INPP4A: variants seen among roughly 807,000 people sequenced by gnomAD.
INPP4A encodes the protein inositol polyphosphate-4-phosphatase type I A, also known as inositol polyphosphate-4-phosphatase, type I, 107kD.
INPP4A carries 33 observed loss-of-function variants against 119.8 expected under a neutral mutation model. The observed-to-expected ratio is 0.28, with a 90% confidence interval of 0.21 to 0.37. INPP4A has a LOEUF of 0.37. INPP4A is among the 10% of genes least tolerant of loss of function. The pLI, the probability that INPP4A is intolerant of heterozygous loss-of-function variation, is 1.00. For synonymous variants in INPP4A, 496 were observed against 500.7 expected (o/e 0.99, Z 0.12); for missense variants, 956 against 1,289.9 (o/e 0.74, Z 3.97).
Position 98,565,753 on chromosome 2 carries a change from A to G in INPP4A, c.2266A>G (p.Ile756Val), listed in dbSNP as rs1696318593. The G allele has an allele frequency of 6.2e-7, 1 of 1,611,456 alleles. No homozygotes were observed. The highest frequency in any genetic ancestry group is 1.7e-5 in the Admixed American group (1 of 59,214). The change falls in exon 20 of 25, where the codon ATC becomes GTC. Residue 756 changes from isoleucine to valine, a missense_variant. By Grantham distance (29) the Ile-to-Val change is conservative. Transcript: ENST00000409851. The stretch of plus-strand genomic sequence containing the variant: ...CGCCTCCGCAGACATGCTGCCCGTC[A>G]TCACAGGAAATCGGTAGAGTGTTGG... ...SSASADMLPV[I>V]TGNRDGFNVR...
chr2:98,557,468 G>A (rs1559071615), intron 16 of INPP4A, among the ~76,000 whole-genome samples: 1 of 152,206 alleles, frequency 6.6e-6, no homozygotes, highest in African/African-American at 2.4e-5. Flanking sequence ...ATTTTGGTGA[G>A]TCTTGTCCAC....
At position 98,555,654 on chromosome 2, in the gene INPP4A, T is replaced by C; in HGVS notation, c.1668T>C (p.Asp556=). The C allele has an allele frequency of 6.2e-7, 1 of 1,614,004 alleles. No homozygotes were observed. The highest frequency in any genetic ancestry group is 8.5e-7 in the Non-Finnish European group (1 of 1,179,892). The change falls in exon 16 of 25, where the codon GAT becomes GAC. Residue 556 remains aspartate, a synonymous_variant. Coordinates refer to ENST00000409851, the MANE Select transcript of INPP4A (RefSeq NM_001134225.2). ...KERLHGEGCE[D]VFPCAGSCTS... is the part of the protein sequence containing the mutation. ...GGCTGCATGGCGAGGGCTGTGAGGA[T>C]GTCTTCCCCTGTGCAGGCAGCTGCA...
intron 1 of INPP4A, among the ~76,000 whole-genome samples, chr2:98,448,033 T>C (rs12992894): frequency 1 from 132,198 of 132,242 alleles, 66,077 homozygotes; most frequent in South Asian, 1. Context: ...GAGGACAGAG[T>C]GAGACTCTGT....
rs139391043 is a variant in INPP4A at position 98,546,397 on chromosome 2, T to C, written c.1055-189T>C. Among the ~76,000 whole-genome samples the C allele has an allele frequency of 7.6e-3, 1,160 of 152,298 alleles. 17 individuals carry two copies. Among genetic ancestry groups the C allele is most frequent in the African/African-American group, 0.026 (1,088 of 41,568 alleles). ...TCCACTTGAAATGTTTTAAACCCCT[T>C]GTTGCTGAGGTGATGGCACTGGGCT... On this transcript the variant is annotated intron_variant, in intron 12 of 24. Transcript: ENST00000409851. The surrounding 1 kb of genome is among the most constrained non-coding windows in gnomAD (Gnocchi z 4.2).
Position 98,570,710 on chromosome 2 carries a change from C to T in INPP4A, c.2518+2042C>T, listed in dbSNP as rs771049619. On this transcript the variant is annotated intron_variant, in intron 22 of 24. Coordinates refer to ENST00000409851, the MANE Select transcript of INPP4A (RefSeq NM_001134225.2). This position sits in a 1 kb window ranked among gnomAD's most constrained non-coding sequence, Gnocchi z 4.3. ...CAGACCAGGCCCTGGAGTGGGCAGG[C>T]GGAGGGTGCCCTTGCAGGGAGGGAA... is the stretch of plus-strand genomic sequence containing the variant. Among the ~76,000 whole-genome samples, 7 of 151,892 alleles carry T rather than the reference C, an allele frequency of 4.6e-5. No homozygotes were observed. Among genetic ancestry groups the T allele is most frequent in the Admixed American group, 6.5e-5 (1 of 15,268 alleles).
chr2:98,466,606 T>G (rs1033511338), intron 1 of INPP4A, among the ~76,000 whole-genome samples: 1 of 152,194 alleles, frequency 6.6e-6, no homozygotes, highest in Non-Finnish European at 1.5e-5. Flanking sequence ...CCCAGCTGGT[T>G]GGTGGCAGAG....
In INPP4A at chr2:98,572,807, T is replaced by C; in HGVS notation, c.2519-8T>C. Reference sequence around the variant, plus strand: ...CACCCACTCCCACGAACTCCTTTTCTCTTCCAGGCCTGCCTCGGTCTCGCA... The same window carrying C: ...CACCCACTCCCACGAACTCCTTTTCCCTTCCAGGCCTGCCTCGGTCTCGCA... On this transcript the variant is annotated splice_polypyrimidine_tract_variant and splice_region_variant and intron_variant, in intron 22 of 24. Coordinates refer to ENST00000409851, the MANE Select transcript of INPP4A (RefSeq NM_001134225.2). The C allele has an allele frequency of 6.5e-7, 1 of 1,543,558 alleles. No individual in the cohort carries two copies.
intron 23 of INPP4A, among the ~76,000 whole-genome samples, chr2:98,575,304 C>T (rs1698231357): frequency 6.6e-6 from 1 of 152,236 alleles, no homozygotes; most frequent in Admixed American, 6.5e-5. Context: ...GCCATCCCTG[C>T]CTGCCTTCCA....
intron 1 of INPP4A, among the ~76,000 whole-genome samples, chr2:98,512,965 T>A (rs1241404724): frequency 2.0e-5 from 3 of 152,250 alleles, no homozygotes; most frequent in Non-Finnish European, 4.4e-5. Flanking sequence ...TTGTATTTTA[T>A]GCTAGAGAAG....
chr2:98,587,672 G>A lies in INPP4A; in HGVS notation c.*64G>A. ...GTGGGTACCCTCTAGTGTCATATAT[G>A]AATTCTTCAAGAAGACCTGAAGGAT... On this transcript the variant is annotated 3_prime_UTR_variant, in exon 25 of 25. Transcript: ENST00000409851. 1 of 1,293,132 alleles carries A rather than the reference G, an allele frequency of 7.7e-7. No homozygotes were observed. The highest frequency in any genetic ancestry group is 1.1e-6 in the Non-Finnish European group (1 of 948,048). 80.1% of individuals were successfully genotyped at this position (1,293,132 alleles called of 1,614,324 possible). A position where few individuals can be genotyped will look rare whatever the true frequency, so the allele number is the denominator to read the frequency against.
At chr2:98,527,487 T>C (rs1417168321) in intron 4 of INPP4A, among the ~76,000 whole-genome samples, 1 of 152,188 alleles carries the variant, frequency 6.6e-6, no homozygotes, top group Non-Finnish European at 1.5e-5. Flanking sequence ...GAATGAGATA[T>C]TCACAGGGAG....
intron 21 of INPP4A, among the ~76,000 whole-genome samples, chr2:98,567,482 A>G (rs973690143): frequency 6.6e-6 from 1 of 152,204 alleles, no homozygotes; most frequent in Non-Finnish European, 1.5e-5. Flanking sequence ...GGAGAGGCGC[A>G]GCCTCACTGG....
In INPP4A at chr2:98,572,933, G is replaced by C. The variant is rs1408893723; in HGVS notation, c.2631+6G>C. 1 of 1,559,960 alleles carries C rather than the reference G, an allele frequency of 6.4e-7. No individual in the cohort carries two copies. The highest frequency in any genetic ancestry group is 1.2e-5 in the South Asian group (1 of 84,580). On this transcript the variant is annotated splice_donor_region_variant and intron_variant, in intron 23 of 24. Coordinates refer to ENST00000409851, the MANE Select transcript of INPP4A (RefSeq NM_001134225.2). The stretch of plus-strand genomic sequence containing the variant: ...TTCTCTGGCAAGCTGCTGAGGTACT[G>C]GTTACAGAGAGGAAAAGGAGGCTAT...
At position 98,485,413 on chromosome 2, in the gene INPP4A, G is replaced by A. The variant is rs115194675; in HGVS notation, c.-165-33551G>A. Among the ~76,000 whole-genome samples, 1,048 of 152,226 alleles carry A rather than the reference G, an allele frequency of 6.9e-3. 10 individuals carry two copies. Among genetic ancestry groups the A allele is most frequent in the African/African-American group, 0.022 (916 of 41,528 alleles). On this transcript the variant is annotated intron_variant, in intron 1 of 24. Transcript: ENST00000409851. ...ATTTTAGTTAAGGTATCTGTGGGGGGTGGGGTTTCCCTCTCTATATTTTCC... is the reference window on the plus strand; with the variant it reads ...ATTTTAGTTAAGGTATCTGTGGGGGATGGGGTTTCCCTCTCTATATTTTCC...
In INPP4A at chr2:98,590,895, C is replaced by A. The variant is rs1700358692; in HGVS notation, c.*3287C>A. The A allele has an allele frequency of 4.3e-6, 1 of 231,540 alleles. No homozygotes were observed. Among genetic ancestry groups the A allele is most frequent in the East Asian group, 6.1e-5 (1 of 16,336 alleles). 14.3% of individuals were successfully genotyped at this position (231,540 alleles called of 1,614,324 possible). ...TTGATGGTAGCAGTGCACCTCGTTT[C>A]AGTGTCCTGATTCCTTGATTACTGT... On this transcript the variant is annotated 3_prime_UTR_variant, in exon 25 of 25. Coordinates refer to ENST00000409851, the MANE Select transcript of INPP4A (RefSeq NM_001134225.2).
intron 17 of INPP4A, among the ~76,000 whole-genome samples, chr2:98,560,521 G>A (rs1695281884): frequency 6.6e-6 from 1 of 152,184 alleles, no homozygotes; most frequent in Admixed American, 6.5e-5. Flanking sequence ...CTCCCAGTTT[G>A]CTTTCAGCCC....
intron 24 of INPP4A, among the ~76,000 whole-genome samples, chr2:98,582,095 C>T (rs1699388640): frequency 6.6e-6 from 1 of 152,176 alleles, no homozygotes; most frequent in Non-Finnish European, 1.5e-5. Flanking sequence ...CTCTCATGTG[C>T]CCTGTTTCCA....
chr2:98,562,393 G>A (rs1487113302), intron 17 of INPP4A, among the ~76,000 whole-genome samples: 2 of 152,218 alleles, frequency 1.3e-5, no homozygotes, highest in Non-Finnish European at 2.9e-5. Context: ...ACAGGGCCAA[G>A]CCGCCCTTCT....
chr2:98,463,481 C>G (rs1284423923), intron 1 of INPP4A, among the ~76,000 whole-genome samples: 1 of 152,268 alleles, frequency 6.6e-6, no homozygotes, highest in Non-Finnish European at 1.5e-5. Flanking sequence ...GTTGCACGTA[C>G]ATTTTGGAGT....
Sources: gnomAD v4.1 joint callset for allele counts (sites outside exome capture counted in the v4.1 genomes callset) on GRCh38, gnomAD v4.1.1 for gene constraint, Gnocchi (gnomAD v3.1) non-coding constraint, MANE v1.5 for transcripts, NCBI Gene and HGNC (gene_info 2026-07-23, HGNC 2026-07-21) for gene names.